The following UBE2D3 variants were observed in gnomAD, a reference collection of about 807,000 sequenced individuals.
The protein encoded by UBE2D3 is ubiquitin-conjugating enzyme E2 D3.
A neutral mutation model predicts 22.8 loss-of-function variants in UBE2D3; 2 were observed. The observed-to-expected ratio is 0.09, with a 90% CI of 0.04 to 0.28. The LOEUF (loss-of-function observed/expected upper bound fraction) is 0.28. UBE2D3 is among the 10% of genes least tolerant of loss of function. The probability of loss-of-function intolerance (pLI) is 1.00; values close to 1 mark genes in which losing one functional copy is unlikely to be tolerated. For missense variants in UBE2D3, 27 were observed against 182.5 expected (o/e 0.15, Z 4.91); for synonymous variants, 56 against 60.4 (o/e 0.93, Z 0.34).
intron 1 of UBE2D3, among the ~76,000 whole-genome samples, chr4:102,864,592 AT>A (rs1362998688): frequency 1.3e-5 from 2 of 152,254 alleles, no homozygotes; most frequent in African/African-American, 4.8e-5. Flanking sequence ...GTATCTAGTC[AT>A]AACCACTGGT....
At chr4:102,858,139 A>C (rs1310120476) in intron 1 of UBE2D3, among the ~76,000 whole-genome samples, 1 of 152,038 alleles carries the variant, frequency 6.6e-6, no homozygotes, top group Admixed American at 6.6e-5. Context: ...AAGTTACTTT[A>C]ATTCTTTAAG....
In UBE2D3 at chr4:102,797,421, G is replaced by A. The variant is rs750640396; in HGVS notation, c.438C>T (p.Ala146=). 10 of 1,605,340 alleles carry A rather than the reference G, an allele frequency of 6.2e-6. No individual in the cohort carries two copies. The South Asian group carries it at 1.0e-4, about 16-fold the overall frequency. The change falls in exon 8 of 8, where the codon GCC becomes GCT. Residue 146 remains alanine (A), a synonymous_variant. Coordinates refer to ENST00000453744, the MANE Select transcript of UBE2D3 (RefSeq NM_181891.3). ...RISREWTQKY[A]M The stretch of plus-strand genomic sequence containing the variant: ...TTCTGACTTTAAGGTAGCATCACAT[G>A]GCATACTTCTGAGTCCATTCCCGAG...
In UBE2D3 at chr4:102,796,338, G is replaced by C. The variant is rs1403670505; in HGVS notation, c.*1077C>G. 4 of 152,378 alleles carry C rather than the reference G, an allele frequency of 2.6e-5. No individual in the cohort carries two copies. Among genetic ancestry groups the C allele is most frequent in the Admixed American group, 1.3e-4 (2 of 15,232 alleles). 9.4% of individuals were successfully genotyped at this position (152,378 alleles called of 1,614,324 possible). A position where few individuals can be genotyped will look rare whatever the true frequency, so the allele number is the denominator to read the frequency against. On this transcript the variant is annotated 3_prime_UTR_variant, in exon 8 of 8. Coordinates refer to ENST00000453744, the MANE Select transcript of UBE2D3 (RefSeq NM_181891.3). ...CCATCTATGAACTCTAGGGCTGCCA[G>C]TATCATGTGCAGCACATTAAAGCTA...
At chr4:102,838,068 A>G (rs1038061962) in intron 1 of UBE2D3, among the ~76,000 whole-genome samples, 2 of 152,166 alleles carry the variant, frequency 1.3e-5, no homozygotes, top group African/African-American at 4.8e-5. Context: ...GCTGTGAGCC[A>G]TGGTCTTGCT....
At chr4:102,800,720 A>G (rs1369267064) in intron 6 of UBE2D3, among the ~76,000 whole-genome samples, 2 of 152,082 alleles carry the variant, frequency 1.3e-5, no homozygotes, top group Non-Finnish European at 2.9e-5. Flanking sequence ...GTCTCTCTCC[A>G]TGAGATTCAA....
chr4:102,839,462 A>G (rs2110354381), intron 1 of UBE2D3, among the ~76,000 whole-genome samples: 1 of 152,228 alleles, frequency 6.6e-6, no homozygotes, highest in South Asian at 2.1e-4. Context: ...TTGTAGAAAC[A>G]GGGTTTCACC....
At chr4:102,868,661 G>A in intron 1 of UBE2D3, 3 of 1,613,430 alleles carry the variant, frequency 1.9e-6, no homozygotes, top group South Asian at 2.2e-5. Flanking sequence ...CACCCAAACT[G>A]TAGGGGAAGA....
intron 3 of UBE2D3, 21 bp downstream of exon 3, chr4:102,809,771 A>T (rs2110281760): frequency 6.2e-7 from 1 of 1,613,714 alleles, no homozygotes; most frequent in East Asian, 2.2e-5. Flanking sequence ...AGGCATAAAA[A>T]TCAACTTGCA....
chr4:102,822,437 CAT>C (rs1729763564), intron 2 of UBE2D3, among the ~76,000 whole-genome samples: 1 of 152,252 alleles, frequency 6.6e-6, no homozygotes, highest in Admixed American at 6.5e-5. Context: ...TTAACTGGCA[CAT>C]GTTAGTTTTC....
At chr4:102,818,818 T>C (rs1176286556) in intron 2 of UBE2D3, among the ~76,000 whole-genome samples, 2 of 152,172 alleles carry the variant, frequency 1.3e-5, no homozygotes, top group Non-Finnish European at 2.9e-5. Flanking sequence ...AAATGGTTTA[T>C]CTTGAGGAAG....
At chr4:102,829,275 T>A (rs180858518), upstream of UBE2D3, among the ~76,000 whole-genome samples, 7 of 152,316 alleles carry the variant, frequency 4.6e-5, no homozygotes, top group African/African-American at 1.7e-4. Flanking sequence ...AGCACTGAAG[T>A]GCTTACCTCA....
chr4:102,808,652 C>T (rs1727450168), intron 4 of UBE2D3, among the ~76,000 whole-genome samples: 1 of 152,158 alleles, frequency 6.6e-6, no homozygotes, highest in African/African-American at 2.4e-5. Flanking sequence ...CATCTTGTCA[C>T]ACTTCAGCAC....
chr4:102,830,726 C>T (rs1731073156), upstream of UBE2D3, among the ~76,000 whole-genome samples: 1 of 152,144 alleles, frequency 6.6e-6, no homozygotes, highest in Non-Finnish European at 1.5e-5. Flanking sequence ...ATTAGCTGAG[C>T]ATGGTGGTAC....
In UBE2D3 at chr4:102,795,512, G is replaced by A. The variant is rs950450368; in HGVS notation, c.*1903C>T. ...GTATGACATCTACCCTGAAGGAGCC[G>A]TTTTAAGCAAAACACAAAATGAAAA... On this transcript the variant is annotated 3_prime_UTR_variant, in exon 8 of 8. Coordinates refer to ENST00000453744, the MANE Select transcript of UBE2D3 (RefSeq NM_181891.3). The A allele has an allele frequency of 1.3e-5, 2 of 151,998 alleles. No individual in the cohort carries two copies. The highest frequency in any genetic ancestry group is 2.9e-5 in the Non-Finnish European group (2 of 67,928). The allele number at this position is 151,998 out of a possible 1,614,324, so 9.4% of individuals were successfully genotyped here.
rs892247449 is a variant in UBE2D3, at chr4:102,823,205, A to C, written c.24+3280T>G. Among the ~76,000 whole-genome samples, 6 of 152,236 alleles carry C rather than the reference A, an allele frequency of 3.9e-5. 1 individual carries two copies. The highest frequency in any genetic ancestry group is 9.6e-5 in the African/African-American group (4 of 41,458). On this transcript the variant is annotated intron_variant, in intron 2 of 7. Transcript: ENST00000453744. ...TAAACCGTTCTGAATGACAAAAAAA[A>C]ACTAAAGGATGATATCAAACTGTAG...
rs573193205 is a variant in UBE2D3, at chr4:102,852,039, G to T, written c.-129+16676C>A. 3.5e-3 allele frequency among the ~76,000 whole-genome samples: 352 copies of T among 101,746 alleles called. 3 individuals carry two copies. Among genetic ancestry groups the T allele is most frequent in the Non-Finnish European group, 4.8e-3 (255 of 53,602 alleles). The allele number at this position is 101,746 out of a possible 152,430, so 66.7% of individuals were successfully genotyped here. ...CTATAATTTCCTAACTCTCTTGAAA[G>T]TTTGGCCATGTAACTATTGGCCCAT... On this transcript the variant is annotated intron_variant, in intron 1 of 7. Coordinates refer to the UBE2D3 transcript ENST00000338145.
At chr4:102,811,373 A>T (rs1727989727) in intron 2 of UBE2D3, 1 of 153,592 alleles carries the variant, frequency 6.5e-6, no homozygotes, top group African/African-American at 2.4e-5. Flanking sequence ...CTGTCTCAGA[A>T]ACAAAAAAAC....
At chr4:102,818,074 G>A (rs891492834) in intron 2 of UBE2D3, among the ~76,000 whole-genome samples, 2 of 152,126 alleles carry the variant, frequency 1.3e-5, no homozygotes, top group East Asian at 3.9e-4. Flanking sequence ...ATACTGTGCT[G>A]ACTACCCCTC....
chr4:102,799,551 TAAATTTTTCTAA>T, intron 6 of UBE2D3, 51 bp from the exon 7 acceptor site: 1 of 1,444,424 alleles, frequency 6.9e-7, no homozygotes. Flanking sequence ...TTTGGATAAA[TAAATTTTTCTAA>T]ACCGTGTATT....
Sources: gnomAD v4.1 joint callset for allele counts (sites outside exome capture counted in the v4.1 genomes callset) on GRCh38, gnomAD v4.1.1 for gene constraint, MANE v1.5 for transcripts, NCBI Gene and HGNC (gene_info 2026-07-23, HGNC 2026-07-21) for gene names.